The following KCNC1 variants were observed in gnomAD, a reference collection of about 807,000 sequenced individuals.
The protein encoded by KCNC1 is voltage-gated potassium channel KCNC1.
Under a neutral mutation model 43.4 loss-of-function variants are expected in KCNC1, and 8 were observed. That is an observed-to-expected ratio of 0.18 (90% CI 0.11 to 0.33). The LOEUF (loss-of-function observed/expected upper bound fraction) is 0.33. Ranked by LOEUF, KCNC1 falls within the 10% of genes least tolerant of loss-of-function variation. The pLI is 1.00. For missense variants in KCNC1, 420 were observed against 836.0 expected, an observed-to-expected ratio of 0.50 and a Z score of 6.14; for synonymous variants, 361 against 360.5, an observed-to-expected ratio of 1.00 and a Z score of -0.01.
At chr11:17,741,287 A>C (rs1848838603) in intron 1 of KCNC1, among the ~76,000 whole-genome samples, 1 of 139,352 alleles carries the variant, frequency 7.2e-6, no homozygotes, top group East Asian at 2.2e-4. Flanking sequence ...CAGCCCCTTC[A>C]CCGCTAAATG....
At chr11:17,766,633 A>C (rs1028195695) in intron 1 of KCNC1, among the ~76,000 whole-genome samples, 1 of 152,124 alleles carries the variant, frequency 6.6e-6, no homozygotes, top group African/African-American at 2.4e-5. Flanking sequence ...GATTCTGGGC[A>C]ATGAGGCCTA....
At chr11:17,768,392 G>A (rs889188038) in intron 1 of KCNC1, among the ~76,000 whole-genome samples, 6 of 152,190 alleles carry the variant, frequency 3.9e-5, no homozygotes, top group African/African-American at 1.4e-4. Context: ...CATGCAGGGA[G>A]AGGACCCTGG....
In KCNC1 at chr11:17,781,657, T is replaced by C; in HGVS notation, c.1694-13T>C. 1 of 1,534,916 alleles carries C rather than the reference T, an allele frequency of 6.5e-7. No individual in the cohort carries two copies. The highest frequency in any genetic ancestry group is 8.8e-7 in the Non-Finnish European group (1 of 1,132,146). Reference sequence around the variant, plus strand: ...AGAGAAGCTCAAGTGTTAATTGTATTCTTTACATACAGATCTTTGCAAAGA... The same window carrying C: ...AGAGAAGCTCAAGTGTTAATTGTATCCTTTACATACAGATCTTTGCAAAGA... On this transcript the variant is annotated splice_polypyrimidine_tract_variant and intron_variant, in intron 3 of 3. Transcript: ENST00000265969. This position sits in a 1 kb window ranked among gnomAD's most constrained non-coding sequence, Gnocchi z 5.1.
intron 1 of KCNC1, among the ~76,000 whole-genome samples, chr11:17,738,294 G>T (rs748854976): frequency 2.3e-4 from 34 of 149,528 alleles, no homozygotes; most frequent in Middle Eastern, 3.4e-3. Flanking sequence ...CAGCTAGAGG[G>T]TTATGTAACT....
At chr11:17,774,120 C>T (rs967931588) in intron 2 of KCNC1, 14 of 985,454 alleles carry the variant, frequency 1.4e-5, no homozygotes, top group Non-Finnish European at 1.7e-5. Context: ...TTCACCCTGC[C>T]GCATACCCTT....
intron 1 of KCNC1, among the ~76,000 whole-genome samples, chr11:17,752,704 A>G (rs1213778462): frequency 2.0e-5 from 3 of 152,236 alleles, no homozygotes; most frequent in Non-Finnish European, 2.9e-5. Flanking sequence ...TCCCGGTTGT[A>G]TGACCATGGA....
chr11:17,775,668 C>T (rs925428968), intron 2 of KCNC1: 9 of 985,626 alleles, frequency 9.1e-6, no homozygotes, highest in Non-Finnish European at 1.1e-5. Context: ...CATGCCCATT[C>T]GCATGTGTCT....
intron 1 of KCNC1, among the ~76,000 whole-genome samples, chr11:17,754,140 G>A (rs1475550048): frequency 1.3e-5 from 2 of 152,220 alleles, no homozygotes; most frequent in Non-Finnish European, 2.9e-5. Context: ...TGCTGCCAGT[G>A]TAGACATGAG....
intron 1 of KCNC1, among the ~76,000 whole-genome samples, chr11:17,744,165 C>T (rs1848872830): frequency 6.6e-6 from 1 of 152,158 alleles, no homozygotes; most frequent in African/African-American, 2.4e-5. Flanking sequence ...AGTTTTTCCA[C>T]CTGTAAAATA....
chr11:17,743,359 G>T (rs1380826672), intron 1 of KCNC1, among the ~76,000 whole-genome samples: 1 of 151,966 alleles, frequency 6.6e-6, no homozygotes, highest in Non-Finnish European at 1.5e-5. Flanking sequence ...CCCCAGGTTT[G>T]AATTTCCGTC....
Position 17,781,688 on chromosome 11 carries a change from C to T in KCNC1, c.1712C>T (p.Pro571Leu), listed in dbSNP as rs766843036. The change falls in exon 4 of 4, where the codon CCT becomes CTT. Residue 571 changes from proline to leucine, a missense_variant. Around this residue, in one of 5 missense-constraint regions of KCNC1, gnomAD observed 147 missense variants for 176.1 expected, o/e 0.83. Coordinates refer to ENST00000265969, the MANE Select transcript of KCNC1 (RefSeq NM_001112741.2). The surrounding 1 kb of genome is among the most constrained non-coding windows in gnomAD (Gnocchi z 5.1). ...GMRKDLCKES[P>L]VIAKYMPTEA... The stretch of plus-strand genomic sequence containing the variant: ...CATACAGATCTTTGCAAAGAAAGCC[C>T]TGTCATTGCTAAGTATATGCCGACA... The T allele has an allele frequency of 6.4e-7, 1 of 1,551,288 alleles. No individual in the cohort carries two copies. Among genetic ancestry groups the T allele is most frequent in the Non-Finnish European group, 8.7e-7 (1 of 1,146,608 alleles).
Position 17,776,062 on chromosome 11 carries a change from C to T in KCNC1, c.1505-3394C>T. 1 of 985,426 alleles carries T rather than the reference C, an allele frequency of 1.0e-6. No individual in the cohort carries two copies. The highest frequency in any genetic ancestry group is 1.2e-6 in the Non-Finnish European group (1 of 829,968). The allele number at this position is 985,426 out of a possible 1,614,324, so 61.0% of individuals were successfully genotyped here. A position where few individuals can be genotyped will look rare whatever the true frequency, so the allele number is the denominator to read the frequency against. On this transcript the variant is annotated intron_variant, in intron 2 of 3. Transcript: ENST00000265969. This position sits in a 1 kb window ranked among gnomAD's most constrained non-coding sequence, Gnocchi z 4.4. ...TTCTGCAGGGACCCAGCTGCAGGGT[C>T]AGCAGCCTGTGGGCCCTGAGTGGGG... is the stretch of plus-strand genomic sequence containing the variant.
chr11:17,779,794 T>TG lies in KCNC1; in HGVS notation c.1693+152dup. ...GAGGGAATCTCCCAGGGTCGGCCCC[T>TG]GGAGGGCTGAGGCCCTTCCCCCCAA... is the stretch of plus-strand genomic sequence containing the variant. On this transcript the variant is annotated intron_variant, in intron 3 of 3. Transcript: ENST00000265969. This position sits in a 1 kb window ranked among gnomAD's most constrained non-coding sequence, Gnocchi z 7.2. 3.3e-6 allele frequency: 2 copies of TG among 604,582 alleles called. No homozygotes were observed. Among genetic ancestry groups the TG allele is most frequent in the Non-Finnish European group, 5.2e-6 (2 of 381,194 alleles). 37.5% of individuals were successfully genotyped at this position (604,582 alleles called of 1,614,324 possible). A position where few individuals can be genotyped will look rare whatever the true frequency, so the allele number is the denominator to read the frequency against.
rs1357002913 is a variant in KCNC1 at position 17,781,322 on chromosome 11, AG to A, written c.1694-345del. On this transcript the variant is annotated intron_variant, in intron 3 of 3. Coordinates refer to ENST00000265969, the MANE Select transcript of KCNC1 (RefSeq NM_001112741.2). The surrounding 1 kb of genome is among the most constrained non-coding windows in gnomAD (Gnocchi z 5.1). ...GTGCCAGAGTCTTTGGGAGGCGCTA[AG>A]GGTGAAGTGTCCCCACCTACATCCA... 1 of 244,866 alleles carries A rather than the reference AG, an allele frequency of 4.1e-6. No homozygotes were observed. Among genetic ancestry groups the A allele is most frequent in the African/African-American group, 2.3e-5 (1 of 44,374 alleles). 15.2% of individuals were successfully genotyped at this position (244,866 alleles called of 1,614,324 possible). A position where few individuals can be genotyped will look rare whatever the true frequency, so the allele number is the denominator to read the frequency against.
chr11:17,765,754 G>A (rs1379493711), intron 1 of KCNC1: 1 of 152,228 alleles, frequency 6.6e-6, no homozygotes, highest in Non-Finnish European at 1.5e-5. Flanking sequence ...GTTGCCTGAG[G>A]GCTGCCCAGC....
At chr11:17,758,567 G>T (rs924617295) in intron 1 of KCNC1, among the ~76,000 whole-genome samples, 2 of 152,172 alleles carry the variant, frequency 1.3e-5, no homozygotes, top group East Asian at 3.8e-4. Flanking sequence ...TAAAGAATAT[G>T]ACTTGAAAGT....
chr11:17,742,810 C>T lies in KCNC1; in HGVS notation c.570+6238C>T, dbSNP rs901697769. Among the ~76,000 whole-genome samples the T allele has an allele frequency of 2.6e-5, 4 of 152,226 alleles. No individual in the cohort carries two copies. The highest frequency in any genetic ancestry group is 9.7e-5 in the African/African-American group (4 of 41,450). On this transcript the variant is annotated intron_variant, in intron 1 of 3. Transcript: ENST00000265969. This position sits in a 1 kb window ranked among gnomAD's most constrained non-coding sequence, Gnocchi z 4.2. ...CAAACTCACAGCCTAGGCCTCTGGT[C>T]CCAGGGCCTGACCATCTGAATTTCT...
chr11:17,776,535 A>G lies in KCNC1; in HGVS notation c.1505-2921A>G, dbSNP rs183727461. The G allele has an allele frequency of 3.1e-4, 309 of 985,412 alleles. 2 individuals carry two copies. The African/African-American group carries it at 5.1e-3, about 16-fold the overall frequency. 61.0% of individuals were successfully genotyped at this position (985,412 alleles called of 1,614,324 possible). A position where few individuals can be genotyped will look rare whatever the true frequency, so the allele number is the denominator to read the frequency against. On this transcript the variant is annotated intron_variant, in intron 2 of 3. Transcript: ENST00000265969. This position sits in a 1 kb window ranked among gnomAD's most constrained non-coding sequence, Gnocchi z 4.4. ...TCCTTGCTCCAAAGTTTAAAAAAAAATGACCCTCTCGCAGATGCTCATCTC... is the reference window on the plus strand; with the variant it reads ...TCCTTGCTCCAAAGTTTAAAAAAAAGTGACCCTCTCGCAGATGCTCATCTC...
At position 17,736,024 on chromosome 11, in the gene KCNC1, G is replaced by T. The variant is rs2133773932; in HGVS notation, c.22G>T (p.Glu8Ter). 6.6e-7 allele frequency: 1 copy of T among 1,525,872 alleles called. No homozygotes were observed. The highest frequency in any genetic ancestry group is 2.4e-5 in the East Asian group (1 of 41,634). 94.5% of individuals were successfully genotyped at this position (1,525,872 alleles called of 1,614,324 possible). The part of the protein sequence containing the change: MGQGDES[E>*]RIVINVGGTR... ...CGCGATGGGCCAAGGGGACGAGAGC[G>T]AGCGCATCGTGATCAACGTGGGCGG... The change falls in exon 1 of 4, where the codon GAG becomes TAG. Residue 8 changes from glutamate to a stop codon, truncating the protein, a stop_gained. Coordinates refer to ENST00000265969, the MANE Select transcript of KCNC1 (RefSeq NM_001112741.2). LOFTEE classifies it high-confidence loss of function. The surrounding 1 kb of genome is among the most constrained non-coding windows in gnomAD (Gnocchi z 9.3).
Sources: allele counts gnomAD v4.1 joint callset (sites outside exome capture counted in the v4.1 genomes callset), GRCh38; gene constraint gnomAD v4.1.1; regional missense constraint gnomAD v4.1.1; non-coding constraint Gnocchi (gnomAD v3.1); transcripts MANE v1.5; gene names NCBI Gene and HGNC (gene_info 2026-07-23, HGNC 2026-07-21).